MGAT4C: variants seen among roughly 807,000 people sequenced by gnomAD.
The protein encoded by MGAT4C is MGAT4 family member C.
Under a neutral mutation model 40.1 loss-of-function variants are expected in MGAT4C, and 19 were observed. The observed-to-expected ratio is 0.47, with a 90% CI of 0.33 to 0.70. The LOEUF is 0.70. Ranked by LOEUF, MGAT4C falls within the 30% of genes least tolerant of loss-of-function variation. MGAT4C has a pLI of 0.02. For missense variants in MGAT4C, 491 were observed against 563.2 expected, an observed-to-expected ratio of 0.87 and a Z score of 1.30; for synonymous variants, 181 against 187.1, an observed-to-expected ratio of 0.97 and a Z score of 0.27.
intron 1 of MGAT4C, among the ~76,000 whole-genome samples, chr12:86,734,947 A>C (rs952285555): frequency 6.6e-6 from 1 of 152,024 alleles, no homozygotes; most frequent in African/African-American, 2.4e-5. Flanking sequence ...AGGAGTAGGA[A>C]AACATTTAAA....
intron 2 of MGAT4C, among the ~76,000 whole-genome samples, chr12:86,004,781 C>A (rs564341401): frequency 6.6e-6 from 1 of 152,248 alleles, no homozygotes; most frequent in African/African-American, 2.4e-5. Context: ...ACCACAGAAC[C>A]AGCCCAATCT....
chr12:86,809,062 A>G (rs1268636573), intron 1 of MGAT4C, among the ~76,000 whole-genome samples: 2 of 152,098 alleles, frequency 1.3e-5, no homozygotes, highest in African/African-American at 4.8e-5. Context: ...ATACCTAAGA[A>G]TACAGCTAAA....
rs1883077618 is a variant in MGAT4C at position 85,960,834 on chromosome 12, T to G, written c.*18455A>C. On this transcript the variant is annotated 3_prime_UTR_variant, in exon 5 of 5. Transcript: ENST00000611864. ...AAAGTCATACATTGAAAAAATTCAC[T>G]CTTACCACTGATTTGATTGATACTG... is the stretch of plus-strand genomic sequence containing the variant. 1.3e-5 allele frequency: 2 copies of G among 151,960 alleles called. No individual in the cohort carries two copies. Among genetic ancestry groups the G allele is most frequent in the African/African-American group, 4.8e-5 (2 of 41,436 alleles). The allele number at this position is 151,960 out of a possible 1,614,324, so 9.4% of individuals were successfully genotyped here. A position where few individuals can be genotyped will look rare whatever the true frequency, so the allele number is the denominator to read the frequency against.
chr12:86,763,411 G>A (rs1412357330), intron 1 of MGAT4C, among the ~76,000 whole-genome samples: 3 of 151,988 alleles, frequency 2.0e-5, no homozygotes, highest in African/African-American at 7.3e-5. Flanking sequence ...TATGTATACT[G>A]TGGAATACAG....
chr12:86,365,682 GTT>G (rs568722124), intron 3 of MGAT4C, among the ~76,000 whole-genome samples: 50 of 135,788 alleles, frequency 3.7e-4, no homozygotes, highest in Middle Eastern at 4.0e-3. Context: ...TTTCCCCACT[GTT>G]TTTTTTTTTT....
At chr12:86,657,910 T>C (rs556574795) in intron 2 of MGAT4C, among the ~76,000 whole-genome samples, 19 of 151,992 alleles carry the variant, frequency 1.3e-4, no homozygotes, top group Non-Finnish European at 2.5e-4. Context: ...TAGATTACTA[T>C]GATTGCAGAA....
At chr12:86,516,841 C>T (rs1958698606) in intron 2 of MGAT4C, among the ~76,000 whole-genome samples, 1 of 152,110 alleles carries the variant, frequency 6.6e-6, no homozygotes, top group Admixed American at 6.5e-5. Context: ...CCTCTGTCTA[C>T]CCATTATAAT....
intron 1 of MGAT4C, among the ~76,000 whole-genome samples, chr12:86,191,307 T>C (rs750209353): frequency 6.6e-6 from 1 of 151,936 alleles, no homozygotes; most frequent in South Asian, 2.1e-4. Context: ...CTATTTCTAG[T>C]AGTAAAGAGA....
intron 2 of MGAT4C, among the ~76,000 whole-genome samples, chr12:86,511,006 A>G (rs1958571964): frequency 6.6e-6 from 1 of 152,196 alleles, no homozygotes; most frequent in East Asian, 1.9e-4. Context: ...AGACATCTAC[A>G]GAACTCTCCA....
intron 1 of MGAT4C, among the ~76,000 whole-genome samples, chr12:86,204,816 A>T (rs1950188629): frequency 6.6e-6 from 1 of 152,118 alleles, no homozygotes; most frequent in Admixed American, 6.6e-5. Flanking sequence ...CAAAATAAAT[A>T]AATGCCATAT....
At chr12:86,696,626 A>G (rs1593124758) in intron 2 of MGAT4C, among the ~76,000 whole-genome samples, 1 of 152,272 alleles carries the variant, frequency 6.6e-6, no homozygotes, top group East Asian at 1.9e-4. Flanking sequence ...AAGGAATGCA[A>G]CAGGTTATTT....
Position 85,979,706 on chromosome 12 carries a change from G to A in MGAT4C, c.1020C>T (p.Asn340=). 1 of 1,613,412 alleles carries A rather than the reference G, an allele frequency of 6.2e-7. No homozygotes were observed. Among genetic ancestry groups the A allele is most frequent in the Non-Finnish European group, 8.5e-7 (1 of 1,179,778 alleles). ...FEEESFDIPD[N]PPASLYTNMN... ...TGTTGGTGTACAGACTTGCAGGGGG[G>A]TTATCAGGAATGTCAAATGACTCCT... Residue 340 remains asparagine (N), a synonymous_variant, in exon 5 of 5, where the codon AAC becomes AAT. Coordinates refer to ENST00000611864, the MANE Select transcript of MGAT4C (RefSeq NM_001351288.2).
intron 2 of MGAT4C, among the ~76,000 whole-genome samples, chr12:86,713,207 A>C (rs1245297366): frequency 6.6e-6 from 1 of 152,142 alleles, no homozygotes; most frequent in Non-Finnish European, 1.5e-5. Flanking sequence ...TATGTATAAC[A>C]GATGGTTTAC....
At chr12:86,061,475 T>TTTTTTTTTTCG (rs1893962067) in intron 1 of MGAT4C, among the ~76,000 whole-genome samples, 1 of 7,570 alleles carries the variant, frequency 1.3e-4, no homozygotes, top group Non-Finnish European at 2.1e-4. Context: ...TTTTTTTTTG[T>TTTTTTTTTTCG]TTTTTTTTTT....
Position 85,970,857 on chromosome 12 carries a change from T to G in MGAT4C, c.*8432A>C, listed in dbSNP as rs1883589272. 6.6e-6 allele frequency: 1 copy of G among 151,310 alleles called. No homozygotes were observed. The highest frequency in any genetic ancestry group is 6.6e-5 in the Admixed American group (1 of 15,154). The allele number at this position is 151,310 out of a possible 1,614,324, so 9.4% of individuals were successfully genotyped here. ...GTTTCTTAAGTTACTAAAAATGTAT[T>G]TTCCTACCTACATAATGTCAATCTC... On this transcript the variant is annotated 3_prime_UTR_variant, in exon 5 of 5. Coordinates refer to ENST00000611864, the MANE Select transcript of MGAT4C (RefSeq NM_001351288.2).
intron 1 of MGAT4C, among the ~76,000 whole-genome samples, chr12:86,110,299 T>TATATATAGA (rs1421581282): frequency 1.5e-4 from 2 of 13,176 alleles, no homozygotes; most frequent in Admixed American, 1.1e-3. Flanking sequence ...ATATAGTCTC[T>TATATATAGA]CTATATATAT....
intron 1 of MGAT4C, among the ~76,000 whole-genome samples, chr12:86,162,042 T>G (rs1669236820): frequency 6.6e-6 from 1 of 152,098 alleles, no homozygotes; most frequent in African/African-American, 2.4e-5. Flanking sequence ...TTACACACTG[T>G]TTATAGTAAT....
Position 86,573,734 on chromosome 12 carries a change from C to T in MGAT4C, c.-228-138469G>A, listed in dbSNP as rs536750794. 2.6e-5 allele frequency among the ~76,000 whole-genome samples: 4 copies of T among 152,050 alleles called. No individual in the cohort carries two copies. The East Asian group carries it at 7.7e-4, about 29-fold the overall frequency. On this transcript the variant is annotated intron_variant, in intron 2 of 7. Transcript: ENST00000548651. ...ATTTAGGTGTTCTGGAAAAGAGTTC[C>T]TCAAGTGCATGTTTAAATTGGCTTG...
chr12:86,702,293 C>G (rs1379309895), intron 2 of MGAT4C, among the ~76,000 whole-genome samples: 1 of 151,862 alleles, frequency 6.6e-6, no homozygotes. Flanking sequence ...AGTCCTCCCA[C>G]TTTGGCCTCC....
Sources: allele counts gnomAD v4.1 joint callset (sites outside exome capture counted in the v4.1 genomes callset), GRCh38; gene constraint gnomAD v4.1.1; transcripts MANE v1.5; gene names NCBI Gene and HGNC (gene_info 2026-07-23, HGNC 2026-07-21).